The following ABCA13 variants were observed in gnomAD, a reference collection of about 807,000 sequenced individuals.
The protein encoded by ABCA13 is ATP binding cassette subfamily A member 13, also known as ATP-binding cassette sub-family A member 13.
A neutral mutation model predicts 478.7 loss-of-function variants in ABCA13; 476 were observed. The ratio of observed to expected loss-of-function variants is 0.99; its 90% CI spans 0.92 to 1.07. ABCA13 has a LOEUF of 1.07. ABCA13 is among the 50% of genes least tolerant of loss of function. The probability of loss-of-function intolerance (pLI) is 0.00; values close to 1 mark genes in which losing one functional copy is unlikely to be tolerated. For missense variants in ABCA13, 6,060 were observed against 5,910.6 expected (o/e 1.03, Z -0.83); for synonymous variants, 2,252 against 2,158.9 (o/e 1.04, Z -1.20).
chr7:48,198,422 CT>C, intron 3 of ABCA13, 62 bp downstream of exon 3: 2 of 1,577,520 alleles, frequency 1.3e-6, no homozygotes, highest in South Asian at 2.4e-5. Flanking sequence ...GAACAGGCTT[CT>C]GCTTTTTGTA....
At chr7:48,299,582 T>C (rs1469035329) in intron 23 of ABCA13, among the ~76,000 whole-genome samples, 3 of 152,218 alleles carry the variant, frequency 2.0e-5, no homozygotes, top group Non-Finnish European at 4.4e-5. Flanking sequence ...AAATCTTTAG[T>C]TATTGAAACG....
intron 47 of ABCA13, among the ~76,000 whole-genome samples, chr7:48,484,804 A>G (rs1829124859): frequency 6.6e-6 from 1 of 152,220 alleles, no homozygotes; most frequent in Non-Finnish European, 1.5e-5. Flanking sequence ...CTCTCCAGCA[A>G]GCCAAGGAAC....
chr7:48,222,030 C>G (rs535957303), intron 5 of ABCA13, among the ~76,000 whole-genome samples: 4 of 152,164 alleles, frequency 2.6e-5, no homozygotes, highest in South Asian at 2.1e-4. Flanking sequence ...CTGTTTAATT[C>G]TAAGAAAGAT....
At chr7:48,309,044 C>CAA (rs1801347629) in intron 23 of ABCA13, among the ~76,000 whole-genome samples, 2 of 149,978 alleles carry the variant, frequency 1.3e-5, no homozygotes, top group African/African-American at 4.9e-5. Context: ...CACACACACA[C>CAA]ACACACACAC....
chr7:48,455,362 G>T, intron 43 of ABCA13, 76 bp downstream of exon 43: 1 of 1,464,734 alleles, frequency 6.8e-7, no homozygotes, highest in South Asian at 1.4e-5. Context: ...CGATACTTTT[G>T]AGAATTCTAG....
At chr7:48,290,241 C>CAAA (rs1562977004) in intron 20 of ABCA13, among the ~76,000 whole-genome samples, 28 of 151,934 alleles carry the variant, frequency 1.8e-4, no homozygotes, top group Middle Eastern at 3.2e-3. Context: ...ATTTCCTGGG[C>CAAA]TAAGCTGAGT....
chr7:48,302,807 C>T (rs889163817), intron 23 of ABCA13, among the ~76,000 whole-genome samples: 3 of 152,120 alleles, frequency 2.0e-5, no homozygotes, highest in Non-Finnish European at 4.4e-5. Context: ...AATGAACATA[C>T]ATGTGTAGGT....
rs188290098 is a variant in ABCA13, at chr7:48,432,810, G to C, written c.12565+4939G>C. Among the ~76,000 whole-genome samples, 31 of 152,080 alleles carry C rather than the reference G, an allele frequency of 2.0e-4. No individual in the cohort carries two copies. In the East Asian group the frequency reaches 4.8e-3, roughly 24 times the overall value. ...TGGAGAGTAGAATTGTGGTTACTAGGGGCTGGGAGGGGATGTGGTGAGGAG... is the reference window on the plus strand; with the variant it reads ...TGGAGAGTAGAATTGTGGTTACTAGCGGCTGGGAGGGGATGTGGTGAGGAG... On this transcript the variant is annotated intron_variant, in intron 42 of 61. Coordinates refer to ENST00000435803, the MANE Select transcript of ABCA13 (RefSeq NM_152701.5).
Position 48,244,531 on chromosome 7 carries a change from C to T in ABCA13, c.1263-45C>T, listed in dbSNP as rs202113245. On this transcript the variant is annotated intron_variant, in intron 10 of 61. Coordinates refer to ENST00000435803, the MANE Select transcript of ABCA13 (RefSeq NM_152701.5). ...ATTTTTATTTCCCTAATTGGCACTT[C>T]GAACTACTTTTCATTTTATTTCATT... 15 of 1,582,286 alleles carry T rather than the reference C, an allele frequency of 9.5e-6. No homozygotes were observed. The East Asian group carries it at 1.8e-4, about 19-fold the overall frequency.
intron 29 of ABCA13, 85 bp downstream of exon 29, chr7:48,338,540 T>G: frequency 1.1e-6 from 1 of 941,514 alleles, no homozygotes; most frequent in Non-Finnish European, 1.5e-6. Context: ...GGCCATGGCA[T>G]TGCTAGGTGA....
intron 31 of ABCA13, among the ~76,000 whole-genome samples, chr7:48,353,232 G>A (rs752170898): frequency 5.3e-5 from 8 of 151,716 alleles, no homozygotes; most frequent in Non-Finnish European, 1.2e-4. Context: ...ATTGCTGTGG[G>A]CTGTGGGGCT....
Position 48,275,555 on chromosome 7 carries a change from C to A in ABCA13, c.5889C>A (p.Asn1963Lys). The A allele has an allele frequency of 2.5e-6, 4 of 1,613,756 alleles. No homozygotes were observed. Among genetic ancestry groups the A allele is most frequent in the Non-Finnish European group, 3.4e-6 (4 of 1,179,838 alleles). ...TCATAGAAAAACTTAAAAATGTCAA[C>A]TTTACAAAAGTTACATCAGGTGAAA... ...LQIIEKLKNV[N>K]FTKVTSGENI... is the part of the protein sequence containing the mutation. Residue 1963 changes from asparagine (N) to lysine (K), a missense_variant, in exon 17 of 62, where the codon AAC (asparagine) becomes AAA (lysine). Physicochemically the swap from Asn to Lys is moderately conservative, Grantham distance 94. Around this residue, in one of 3 missense-constraint regions of ABCA13, gnomAD observed 4,423 missense variants for 4,309.1 expected, o/e 1.03. Transcript: ENST00000435803.
chr7:48,527,703 A>C (rs1055268826), intron 54 of ABCA13, among the ~76,000 whole-genome samples: 14 of 152,188 alleles, frequency 9.2e-5, no homozygotes, highest in African/African-American at 3.4e-4. Flanking sequence ...GTTAGGAGTG[A>C]ATTTGCAGGA....
At chr7:48,487,776 G>GT (rs1385346503) in intron 47 of ABCA13, among the ~76,000 whole-genome samples, 1 of 152,176 alleles carries the variant, frequency 6.6e-6, no homozygotes, top group Non-Finnish European at 1.5e-5. Flanking sequence ...GCTAGTGCCT[G>GT]TGTAGGTGTC....
At chr7:48,256,438 T>C (rs1052092608) in intron 15 of ABCA13, among the ~76,000 whole-genome samples, 1 of 152,216 alleles carries the variant, frequency 6.6e-6, no homozygotes, top group African/African-American at 2.4e-5. Context: ...AGGTTTAACA[T>C]TTAAATCTTT....
chr7:48,508,599 G>T (rs1420070451), intron 50 of ABCA13, among the ~76,000 whole-genome samples: 1 of 152,102 alleles, frequency 6.6e-6, no homozygotes, highest in Non-Finnish European at 1.5e-5. Flanking sequence ...GTAAAAAAAA[G>T]CATCTTATAT....
intron 55 of ABCA13, among the ~76,000 whole-genome samples, chr7:48,561,659 C>T (rs1786469205): frequency 6.6e-6 from 1 of 152,078 alleles, no homozygotes. Flanking sequence ...ATATGGCTTA[C>T]AAATATTTTC....
chr7:48,611,449 C>T (rs1267027712), intron 58 of ABCA13, among the ~76,000 whole-genome samples: 2 of 152,176 alleles, frequency 1.3e-5, no homozygotes, highest in Non-Finnish European at 2.9e-5. Flanking sequence ...TTTCTTTTCA[C>T]ACTGCCATAG....
intron 59 of ABCA13, among the ~76,000 whole-genome samples, chr7:48,636,184 A>G (rs1009394404): frequency 6.6e-6 from 1 of 152,224 alleles, no homozygotes; most frequent in African/African-American, 2.4e-5. Context: ...GTACAGAGGC[A>G]TATTTGAATG....
Sources: allele counts gnomAD v4.1 joint callset (sites outside exome capture counted in the v4.1 genomes callset), GRCh38; gene constraint gnomAD v4.1.1; regional missense constraint gnomAD v4.1.1; transcripts MANE v1.5; gene names NCBI Gene and HGNC (gene_info 2026-07-23, HGNC 2026-07-21).